Variants in SLC38A10 observed in about 807,000 individuals in gnomAD.
SLC38A10 encodes solute carrier family 38 member 10.
A neutral mutation model predicts 81.0 loss-of-function variants in SLC38A10; 53 were observed. The ratio of observed to expected loss-of-function variants is 0.65; its 90% CI spans 0.53 to 0.82. SLC38A10 has a LOEUF of 0.82. SLC38A10 is among the 40% of genes least tolerant of loss of function. SLC38A10 has a pLI of 0.00. For synonymous variants in SLC38A10, 665 were observed against 655.3 expected (o/e 1.01, Z -0.23); for missense variants, 1,471 against 1,545.0 (o/e 0.95, Z 0.80).
Position 81,253,588 on chromosome 17 carries a change from TCCACCA to T in SLC38A10, c.1289-354_1289-349del, listed in dbSNP as rs367868065. ...CATCATCACCGTCATCACCGTCACC[TCCACCA>T]CCACCACCACCATCACCGCTATCAT... On this transcript the variant is annotated intron_variant, in intron 11 of 15. Coordinates refer to ENST00000374759, the MANE Select transcript of SLC38A10 (RefSeq NM_001037984.3). This position sits in a 1 kb window ranked among gnomAD's most constrained non-coding sequence, Gnocchi z 4.1. 1.2e-4 allele frequency among the ~76,000 whole-genome samples: 18 copies of T among 150,544 alleles called. No homozygotes were observed. Among genetic ancestry groups the T allele is most frequent in the African/African-American group, 3.7e-4 (15 of 40,912 alleles).
chr17:81,249,639 C>T (rs2062892329), intron 14 of SLC38A10, among the ~76,000 whole-genome samples: 1 of 151,892 alleles, frequency 6.6e-6, no homozygotes, highest in Admixed American at 6.6e-5. Context: ...ACAGGCTGTT[C>T]CTACAGCCAG....
At chr17:81,285,035 A>T in intron 2 of SLC38A10, 140 bp from the exon 3 acceptor site, 1 of 592,976 alleles carries the variant, frequency 1.7e-6, no homozygotes, top group Non-Finnish European at 2.8e-6. Flanking sequence ...GGTATTTCAA[A>T]TTCTGGCTGC....
chr17:81,274,802 G>A (rs1429245390), intron 8 of SLC38A10, among the ~76,000 whole-genome samples: 1 of 152,242 alleles, frequency 6.6e-6, no homozygotes, highest in African/African-American at 2.4e-5. Context: ...AGAGAACCAG[G>A]ACAGCCCTCT....
Position 81,244,944 on chromosome 17 carries a change from C to A in SLC38A10, c.*612G>T. On this transcript the variant is annotated 3_prime_UTR_variant, in exon 16 of 16. Transcript: ENST00000374759. ...CCGGCCAGTGCCCCTGGACACCCGG[C>A]TTGTCTGGCCCCTGCTCCCTGTGCT... is the stretch of plus-strand genomic sequence containing the variant. 1 of 164,556 alleles carries A rather than the reference C, an allele frequency of 6.1e-6. No homozygotes were observed. The allele number at this position is 164,556 out of a possible 1,614,324, so 10.2% of individuals were successfully genotyped here.
At chr17:81,287,664 G>T (rs1422188956) in intron 2 of SLC38A10, among the ~76,000 whole-genome samples, 1 of 152,244 alleles carries the variant, frequency 6.6e-6, no homozygotes, top group Non-Finnish European at 1.5e-5. Context: ...TGCAGGTAAA[G>T]GTTGGAAGCT....
intron 14 of SLC38A10, among the ~76,000 whole-genome samples, chr17:81,248,102 C>T (rs530658526): frequency 1.4e-4 from 21 of 151,956 alleles, no homozygotes; most frequent in South Asian, 2.1e-4. Flanking sequence ...GGACTACAGA[C>T]GCCCGCCACC....
intron 10 of SLC38A10, among the ~76,000 whole-genome samples, chr17:81,261,490 AG>A (rs1341531890): frequency 7.2e-5 from 11 of 152,368 alleles, no homozygotes; most frequent in Admixed American, 5.9e-4. Flanking sequence ...CTTTTCTGAA[AG>A]GTATGTCGAT....
Position 81,294,996 on chromosome 17 carries a change from C to G in SLC38A10, c.-75G>C. 6.8e-7 allele frequency: 1 copy of G among 1,478,836 alleles called. No individual in the cohort carries two copies. The highest frequency in any genetic ancestry group is 2.7e-5 in the East Asian group (1 of 36,390). The allele number at this position is 1,478,836 out of a possible 1,614,324, so 91.6% of individuals were successfully genotyped here. A position where few individuals can be genotyped will look rare whatever the true frequency, so the allele number is the denominator to read the frequency against. ...TGCGGCCGGCTTTGGAAGCCCAGCC[C>G]GAGGCCACGGTCACAGGTCCCAACG... On this transcript the variant is annotated 5_prime_UTR_variant, in exon 1 of 16. Coordinates refer to ENST00000374759, the MANE Select transcript of SLC38A10 (RefSeq NM_001037984.3).
rs1156432390 is a variant in SLC38A10, at chr17:81,286,473, C to T, written c.218-1578G>A. ...CCCGCCATTCCCAGTGTCAATCCCT[C>T]GGCAACTTCTCCTCCCCAGGTTCAA... On this transcript the variant is annotated intron_variant, in intron 2 of 15. Transcript: ENST00000374759. The surrounding 1 kb of genome is among the most constrained non-coding windows in gnomAD (Gnocchi z 6.0). Among the ~76,000 whole-genome samples, 5 of 152,196 alleles carry T rather than the reference C, an allele frequency of 3.3e-5. No homozygotes were observed. The highest frequency in any genetic ancestry group is 2.1e-4 in the South Asian group (1 of 4,832).
In SLC38A10 at chr17:81,284,908, A is replaced by C; in HGVS notation, c.218-13T>G. The C allele has an allele frequency of 6.5e-7, 1 of 1,542,680 alleles. No homozygotes were observed. The highest frequency in any genetic ancestry group is 8.8e-7 in the Non-Finnish European group (1 of 1,142,406). ...TAGGCGTGGAATGCTAGTGCAAAAG[A>C]AAAAGGAACACTCAATCCAACAGCG... On this transcript the variant is annotated splice_polypyrimidine_tract_variant and intron_variant, in intron 2 of 15. Coordinates refer to ENST00000374759, the MANE Select transcript of SLC38A10 (RefSeq NM_001037984.3).
Position 81,253,805 on chromosome 17 carries a change from T to C in SLC38A10, c.1289-565A>G, listed in dbSNP as rs1435150280. On this transcript the variant is annotated intron_variant, in intron 11 of 15. Coordinates refer to ENST00000374759, the MANE Select transcript of SLC38A10 (RefSeq NM_001037984.3). This position sits in a 1 kb window ranked among gnomAD's most constrained non-coding sequence, Gnocchi z 4.1. The stretch of plus-strand genomic sequence containing the variant: ...TCCATCCCTACCACCATCACCATCA[T>C]CATCACCGTCACCATCATCACCATC... 7.0e-6 allele frequency among the ~76,000 whole-genome samples: 1 copy of C among 143,454 alleles called. No individual in the cohort carries two copies. The highest frequency in any genetic ancestry group is 1.5e-5 in the Non-Finnish European group (1 of 65,786). 94.1% of individuals were successfully genotyped at this position (143,454 alleles called of 152,430 possible). A position where few individuals can be genotyped will look rare whatever the true frequency, so the allele number is the denominator to read the frequency against.
At chr17:81,260,502 G>T in intron 10 of SLC38A10, 108 bp from the exon 11 acceptor site, 3 of 1,387,446 alleles carry the variant, frequency 2.2e-6, no homozygotes, top group Non-Finnish European at 2.9e-6. Flanking sequence ...GAGGCACGAG[G>T]AGAGTGGACA....
chr17:81,247,643 T>C (rs1374965906), intron 14 of SLC38A10: 3 of 141,930 alleles, frequency 2.1e-5, no homozygotes, highest in Non-Finnish European at 4.5e-5. Context: ...CTGGGAAACA[T>C]AGCAAGACCC....
At position 81,253,587 on chromosome 17, in the gene SLC38A10, C is replaced by G. The variant is rs916511980; in HGVS notation, c.1289-347G>C. 6.6e-6 allele frequency among the ~76,000 whole-genome samples: 1 copy of G among 151,176 alleles called. No individual in the cohort carries two copies. Among genetic ancestry groups the G allele is most frequent in the African/African-American group, 2.4e-5 (1 of 41,126 alleles). On this transcript the variant is annotated intron_variant, in intron 11 of 15. Coordinates refer to ENST00000374759, the MANE Select transcript of SLC38A10 (RefSeq NM_001037984.3). The surrounding 1 kb of genome is among the most constrained non-coding windows in gnomAD (Gnocchi z 4.1). ...CCATCATCACCGTCATCACCGTCAC[C>G]TCCACCACCACCACCACCATCACCG...
rs2062980875 is a variant in SLC38A10, at chr17:81,257,192, T to G, written c.1288+3046A>C. On this transcript the variant is annotated intron_variant, in intron 11 of 15. Coordinates refer to ENST00000374759, the MANE Select transcript of SLC38A10 (RefSeq NM_001037984.3). ...CGGAGTGCAGTGGTGCCATCTCGGCTCACTGCAGCCCTGACCTTCCAGGCT... is the reference window on the plus strand; with the variant it reads ...CGGAGTGCAGTGGTGCCATCTCGGCGCACTGCAGCCCTGACCTTCCAGGCT... 1.3e-5 allele frequency among the ~76,000 whole-genome samples: 2 copies of G among 152,144 alleles called. 1 individual carries two copies. Among genetic ancestry groups the G allele is most frequent in the South Asian group, 4.1e-4 (2 of 4,826 alleles).
At position 81,253,242 on chromosome 17, in the gene SLC38A10, T is replaced by C. The variant is rs1371662818; in HGVS notation, c.1289-2A>G. 6.2e-7 allele frequency: 1 copy of C among 1,613,428 alleles called. No homozygotes were observed. Among genetic ancestry groups the C allele is most frequent in the African/African-American group, 1.3e-5 (1 of 74,924 alleles). The stretch of plus-strand genomic sequence containing the variant: ...CCACGGCCACAACCGGATCCTGGGC[T>C]GGGAGCAGGGCACAGTTAGGGAACT... On this transcript the variant is annotated splice_acceptor_variant, in intron 11 of 15. Transcript: ENST00000374759. LOFTEE classifies it high-confidence loss of function. The surrounding 1 kb of genome is among the most constrained non-coding windows in gnomAD (Gnocchi z 4.1).
chr17:81,276,981 C>T lies in SLC38A10; in HGVS notation c.729+50G>A. The T allele has an allele frequency of 1.9e-6, 3 of 1,569,922 alleles. No individual in the cohort carries two copies. Among genetic ancestry groups the T allele is most frequent in the Non-Finnish European group, 2.6e-6 (3 of 1,140,682 alleles). On this transcript the variant is annotated intron_variant, in intron 7 of 15. Coordinates refer to ENST00000374759, the MANE Select transcript of SLC38A10 (RefSeq NM_001037984.3). The surrounding 1 kb of genome is among the most constrained non-coding windows in gnomAD (Gnocchi z 4.7). ...GGCAGTCCCACGGGGCACCACGGCA[C>T]ATCATGCTGGCATGACACAGGGGCG...
chr17:81,275,549 C>T (rs537899021), intron 8 of SLC38A10, among the ~76,000 whole-genome samples: 102 of 151,322 alleles, frequency 6.7e-4, no homozygotes, highest in African/African-American at 2.2e-3. Context: ...CTGGCTAACA[C>T]GGTGAAACCC....
chr17:81,291,534 A>AT (rs1481382957), intron 1 of SLC38A10, among the ~76,000 whole-genome samples: 2 of 151,900 alleles, frequency 1.3e-5, no homozygotes, highest in East Asian at 3.9e-4. Context: ...AACTCATGAG[A>AT]TATCACCAAG....
Sources: gnomAD v4.1 joint callset for allele counts (sites outside exome capture counted in the v4.1 genomes callset) on GRCh38, gnomAD v4.1.1 for gene constraint, Gnocchi (gnomAD v3.1) non-coding constraint, MANE v1.5 for transcripts, NCBI Gene and HGNC (gene_info 2026-07-23, HGNC 2026-07-21) for gene names.